The following SNTG1 variants were observed in gnomAD, a reference collection of about 807,000 sequenced individuals.
SNTG1 encodes the protein syntrophin gamma 1.
In SNTG1, 39 loss-of-function variants were observed where a neutral mutation model predicts 74.7. The ratio of observed to expected loss-of-function variants is 0.52; its 90% CI spans 0.40 to 0.68. SNTG1 has a LOEUF of 0.68. Among genes scored for constraint, SNTG1 ranks in the 30% least tolerant of loss-of-function variants. The probability of loss-of-function intolerance (pLI) is 0.00; values close to 1 mark genes in which losing one functional copy is unlikely to be tolerated. For synonymous variants in SNTG1, 254 were observed against 217.1 expected (o/e 1.17, Z -1.49); for missense variants, 685 against 609.5 (o/e 1.12, Z -1.30).
intron 2 of SNTG1, among the ~76,000 whole-genome samples, chr8:50,292,057 T>C (rs1026155998): frequency 1.3e-5 from 2 of 152,076 alleles, no homozygotes; most frequent in African/African-American, 4.8e-5. Flanking sequence ...TATAATGAAG[T>C]AGTCAGTGGG....
intron 9 of SNTG1, among the ~76,000 whole-genome samples, chr8:50,514,481 T>C (rs1288392434): frequency 6.6e-6 from 1 of 152,220 alleles, no homozygotes; most frequent in East Asian, 1.9e-4. Context: ...GATTTCTTTT[T>C]GACTTATTGG....
At chr8:50,512,964 T>C (rs188159242) in intron 9 of SNTG1, among the ~76,000 whole-genome samples, 45 of 152,348 alleles carry the variant, frequency 3.0e-4, no homozygotes, top group Non-Finnish European at 4.6e-4. Context: ...TGTAAGGAGC[T>C]GTATTCCTTT....
At chr8:50,721,656 G>A (rs1335633141) in intron 17 of SNTG1, among the ~76,000 whole-genome samples, 2 of 152,088 alleles carry the variant, frequency 1.3e-5, no homozygotes, top group African/African-American at 2.4e-5. Context: ...TAAAAAGGTA[G>A]GTCAGAATAA....
intron 1 of SNTG1, among the ~76,000 whole-genome samples, chr8:50,113,195 T>C (rs1181787933): frequency 3.3e-5 from 5 of 152,200 alleles, no homozygotes; most frequent in African/African-American, 7.2e-5. Context: ...TTGGGCAGTA[T>C]GGCCATTTTC....
intron 2 of SNTG1, among the ~76,000 whole-genome samples, chr8:50,221,334 T>C (rs1032268565): frequency 7.9e-5 from 12 of 151,592 alleles, no homozygotes; most frequent in African/African-American, 1.2e-4. Context: ...AGGGAAAAAA[T>C]AGTTACAATG....
At position 50,376,553 on chromosome 8, in the gene SNTG1, C is replaced by A. The variant is rs533160728; in HGVS notation, c.-27-17659C>A. Among the ~76,000 whole-genome samples the A allele has an allele frequency of 1.9e-3, 291 of 151,896 alleles. 1 individual carries two copies. Among genetic ancestry groups the A allele is most frequent in the African/African-American group, 6.7e-3 (279 of 41,468 alleles). On this transcript the variant is annotated intron_variant, in intron 2 of 18. Coordinates refer to ENST00000642720, the MANE Select transcript of SNTG1 (RefSeq NM_018967.5). The stretch of plus-strand genomic sequence containing the variant: ...TGATTCAGCAAGTAAGTAACCCAGC[C>A]AATGGTGAAGCCTCCTGACTTGCAG...
chr8:50,588,860 G>A (rs28455652), intron 12 of SNTG1, among the ~76,000 whole-genome samples: 12,268 of 150,372 alleles, frequency 0.082, 1,137 homozygotes, highest in African/African-American at 0.21. Flanking sequence ...TATTGTATTC[G>A]CCACATTACA....
chr8:50,148,246 G>A (rs937931540), intron 1 of SNTG1, among the ~76,000 whole-genome samples: 2 of 151,950 alleles, frequency 1.3e-5, no homozygotes, highest in Non-Finnish European at 2.9e-5. Context: ...TGGCACAGGG[G>A]GATCTTCCTT....
At chr8:50,323,031 G>T (rs2090592502) in intron 2 of SNTG1, among the ~76,000 whole-genome samples, 1 of 150,386 alleles carries the variant, frequency 6.6e-6, no homozygotes, top group African/African-American at 2.4e-5. Context: ...CAGGAGAATT[G>T]CTTGAACCTG....
At chr8:50,480,511 G>A (rs1035778094) in intron 8 of SNTG1, among the ~76,000 whole-genome samples, 10 of 152,108 alleles carry the variant, frequency 6.6e-5, no homozygotes, top group South Asian at 2.1e-4. Flanking sequence ...ACAAGCTCCC[G>A]ACATGTAGCA....
chr8:50,589,139 T>C (rs2130864901), intron 12 of SNTG1, among the ~76,000 whole-genome samples: 1 of 152,228 alleles, frequency 6.6e-6, no homozygotes, highest in Admixed American at 6.5e-5. Context: ...CACCATACAT[T>C]TTATTATTTT....
chr8:50,769,764 GAGA>G (rs1370491243), intron 18 of SNTG1, among the ~76,000 whole-genome samples: 2 of 151,998 alleles, frequency 1.3e-5, no homozygotes, highest in Non-Finnish European at 2.9e-5. Context: ...AATTTAATAT[GAGA>G]AGAACAGTGT....
At chr8:50,057,452 G>GA (rs1820121243) in intron 1 of SNTG1, among the ~76,000 whole-genome samples, 1 of 151,440 alleles carries the variant, frequency 6.6e-6, no homozygotes, top group East Asian at 1.9e-4. Flanking sequence ...AACTTTATTT[G>GA]AAATGCCACA....
chr8:50,054,740 T>C (rs939998205), intron 1 of SNTG1, among the ~76,000 whole-genome samples: 1 of 152,144 alleles, frequency 6.6e-6, no homozygotes, highest in Non-Finnish European at 1.5e-5. Context: ...GGTGCAATCA[T>C]GGCTCACCGC....
rs1053690731 is a variant in SNTG1 at position 50,350,805 on chromosome 8, C to T, written c.-27-43407C>T. ...TTGTGTCTAGCTCAGGGATTGTAAA[C>T]GCACCAATCAGCACCCTGTCAAAAC... On this transcript the variant is annotated intron_variant, in intron 2 of 18. Transcript: ENST00000642720. Among the ~76,000 whole-genome samples the T allele has an allele frequency of 1.1e-4, 17 of 152,256 alleles. 1 individual carries two copies. In the South Asian group the frequency reaches 1.2e-3, roughly 11 times the overall value.
chr8:50,204,720 T>G (rs1179105013), intron 2 of SNTG1, among the ~76,000 whole-genome samples: 1 of 151,768 alleles, frequency 6.6e-6, no homozygotes, highest in East Asian at 1.9e-4. Flanking sequence ...CCCTCCCCAC[T>G]CCCCCAACCC....
chr8:50,386,144 C>T (rs1301061132), intron 2 of SNTG1, among the ~76,000 whole-genome samples: 1 of 152,164 alleles, frequency 6.6e-6, no homozygotes, highest in Non-Finnish European at 1.5e-5. Context: ...CTGCTAGTTA[C>T]TGAGCAAGTC....
Position 50,544,210 on chromosome 8 carries a change from A to G in SNTG1, c.680+7402A>G, listed in dbSNP as rs72643630. On this transcript the variant is annotated intron_variant, in intron 11 of 18. Coordinates refer to ENST00000642720, the MANE Select transcript of SNTG1 (RefSeq NM_018967.5). ...TTTAAGTTATCGCCTAAGCATTATC[A>G]TAGAGCCATACATGTATAACTATTA... 9.5e-3 allele frequency among the ~76,000 whole-genome samples: 1,448 copies of G among 152,136 alleles called. 15 individuals are homozygous for G. Among genetic ancestry groups the G allele is most frequent in the Middle Eastern group, 0.024 (7 of 294 alleles).
At chr8:50,552,383 A>C (rs1485763700) in intron 11 of SNTG1, among the ~76,000 whole-genome samples, 1 of 152,230 alleles carries the variant, frequency 6.6e-6, no homozygotes, top group African/African-American at 2.4e-5. Flanking sequence ...AAAAGTCAAT[A>C]AAATACTGTC....
Sources: allele counts gnomAD v4.1 joint callset (sites outside exome capture counted in the v4.1 genomes callset), GRCh38; gene constraint gnomAD v4.1.1; transcripts MANE v1.5; gene names NCBI Gene and HGNC (gene_info 2026-07-23, HGNC 2026-07-21).